TACC3: variants seen among roughly 807,000 people sequenced by gnomAD.
TACC3 encodes the protein transforming acidic coiled-coil-containing protein 3.
Under a neutral mutation model 86.0 loss-of-function variants are expected in TACC3, and 52 were observed. The observed-to-expected ratio is 0.60, with a 90% CI of 0.48 to 0.76. TACC3 has a LOEUF of 0.76. Among genes scored for constraint, TACC3 ranks in the 30% least tolerant of loss-of-function variants. The pLI is 0.00. For missense variants in TACC3, 1,120 were observed against 1,070.4 expected (o/e 1.05, Z -0.65); for synonymous variants, 512 against 430.0 (o/e 1.19, Z -2.36).
At chr4:1,731,669 T>C (rs1309124645) in intron 6 of TACC3, among the ~76,000 whole-genome samples, 1 of 152,000 alleles carries the variant, frequency 6.6e-6, no homozygotes, top group African/African-American at 2.4e-5. Context: ...ATAGTCTCGC[T>C]CTGTCACCCA....
At chr4:1,739,117 G>A (rs1260674604) in intron 10 of TACC3, among the ~76,000 whole-genome samples, 1 of 152,128 alleles carries the variant, frequency 6.6e-6, no homozygotes, top group Non-Finnish European at 1.5e-5. Flanking sequence ...GACCATCCTG[G>A]CTAACACGGT....
In TACC3 at chr4:1,728,753, C is replaced by G; in HGVS notation, c.1351C>G (p.Pro451Ala). The G allele has an allele frequency of 6.2e-7, 1 of 1,610,866 alleles. No individual in the cohort carries two copies. Among genetic ancestry groups the G allele is most frequent in the Non-Finnish European group, 8.5e-7 (1 of 1,179,148 alleles). Residue 451 changes from proline to alanine, a missense_variant, in exon 4 of 16, where the codon CCT (proline) becomes GCT (alanine). Physicochemically the swap from Pro to Ala is conservative, Grantham distance 27 (BLOSUM62 -1). Coordinates refer to ENST00000313288, the MANE Select transcript of TACC3 (RefSeq NM_006342.3). ...QPAAEQLHAG[P>A]ATEEPGPCLS... Reference sequence around the variant, plus strand: ...AGCGGCTGAACAGTTGCATGCTGGGCCTGCCACGGAGGAGCCAGGTCCCTG... The same window carrying G: ...AGCGGCTGAACAGTTGCATGCTGGGGCTGCCACGGAGGAGCCAGGTCCCTG...
chr4:1,735,293 G>A lies in TACC3; in HGVS notation c.1612G>A (p.Val538Met), dbSNP rs1422063693. Residue 538 changes from valine (V) to methionine (M), a missense_variant, in exon 7 of 16, where the codon GTG becomes ATG. By Grantham distance (21) the Val-to-Met change is conservative. Transcript: ENST00000313288. The surrounding 1 kb of genome is among the most constrained non-coding windows in gnomAD (Gnocchi z 4.2). Reference protein sequence around the residue: ...PAEVLGTGAEVDYLEQFGTSS... With the variant: ...PAEVLGTGAEMDYLEQFGTSS... ...CTCAGTTCTAGGCACGGGCGCGGAG[G>A]TGGATTACCTGGAGCAGTTTGGAAC... 2 of 1,614,076 alleles carry A rather than the reference G, an allele frequency of 1.2e-6. No individual in the cohort carries two copies. The highest frequency in any genetic ancestry group is 1.1e-5 in the South Asian group (1 of 91,092).
At position 1,728,538 on chromosome 4, in the gene TACC3, A is replaced by C; in HGVS notation, c.1136A>C (p.Gln379Pro). The C allele has an allele frequency of 6.2e-7, 1 of 1,613,976 alleles. No individual in the cohort carries two copies. Among genetic ancestry groups the C allele is most frequent in the Non-Finnish European group, 8.5e-7 (1 of 1,179,964 alleles). Residue 379 changes from glutamine to proline, a missense_variant, in exon 4 of 16, where the codon CAG becomes CCG. Transcript: ENST00000313288. ...GCAGTGAGGCAGCAAAAGGCCCCGC[A>C]GGAGGTGGAGGAGGACGACGGTAGG... Reference protein sequence around the residue: ...KAAVRQQKAPQEVEEDDGRSG... With the variant: ...KAAVRQQKAPPEVEEDDGRSG...
chr4:1,745,008 A>C lies in TACC3; in HGVS notation c.2512A>C (p.Ile838Leu), dbSNP rs1165525393. Residue 838 changes from isoleucine (I) to leucine (L), a missense_variant, in exon 16 of 16, where the codon ATC (isoleucine) becomes CTC (leucine). Ile to Leu is a conservative substitution (Grantham distance 5). Coordinates refer to ENST00000313288, the MANE Select transcript of TACC3 (RefSeq NM_006342.3). ...CGACCTCATCTCCAAGATGGAGAAG[A>C]TCTGACCTCCACGGAGCCGCTGTCC... ...CDDLISKMEK[I>L] is the part of the protein sequence containing the mutation. The C allele has an allele frequency of 3.1e-6, 5 of 1,607,900 alleles. No homozygotes were observed. Among genetic ancestry groups the C allele is most frequent in the Non-Finnish European group, 4.2e-6 (5 of 1,177,758 alleles).
At position 1,728,477 on chromosome 4, in the gene TACC3, G is replaced by C. The variant is rs759532673; in HGVS notation, c.1075G>C (p.Glu359Gln). The change falls in exon 4 of 16, where the codon GAG becomes CAG. Residue 359 changes from glutamate (E) to glutamine (Q), a missense_variant. Transcript: ENST00000313288. The part of the protein sequence containing the change: ...KRAPPPRRLG[E>Q]RSGLKPPLRK... ...GGCACCCCCACCAAGGAGACTGGGA[G>C]AGAGGTCCGGCCTCAAGCCTCCCTT... The C allele has an allele frequency of 1.3e-5, 21 of 1,613,854 alleles. No individual in the cohort carries two copies. Among genetic ancestry groups the C allele is most frequent in the Non-Finnish European group, 1.6e-5 (19 of 1,180,018 alleles).
chr4:1,735,696 C>T lies in TACC3; in HGVS notation c.1645-35C>T, dbSNP rs1233247711. On this transcript the variant is annotated intron_variant, in intron 7 of 15. Transcript: ENST00000313288. The surrounding 1 kb of genome is among the most constrained non-coding windows in gnomAD (Gnocchi z 4.2). ...AGCCCCCGTGTGTGTTAGGGGATGG[C>T]AGTCAGACCTGATCACTTGCCCTCT... 2.0e-6 allele frequency: 3 copies of T among 1,536,002 alleles called. No homozygotes were observed. The highest frequency in any genetic ancestry group is 2.3e-5 in the East Asian group (1 of 44,306).
intron 8 of TACC3, 46 bp from the exon 9 acceptor site, chr4:1,737,195 A>G (rs1577220077): frequency 4.6e-6 from 7 of 1,512,268 alleles, no homozygotes; most frequent in East Asian, 2.3e-5. Context: ...GTCCTACTCA[A>G]CACTGGGAGG....
intron 3 of TACC3, among the ~76,000 whole-genome samples, chr4:1,724,658 C>T (rs550117388): frequency 3.3e-5 from 5 of 152,208 alleles, no homozygotes; most frequent in East Asian, 1.9e-4. Context: ...CTTTACTCTG[C>T]GGCTGAACTA....
chr4:1,720,863 G>A (rs750776470), upstream of TACC3: 3 of 1,552,618 alleles, frequency 1.9e-6, no homozygotes, highest in South Asian at 1.2e-5. The surrounding 1 kb of genome is among the most constrained non-coding windows in gnomAD (Gnocchi z 4.4). Flanking sequence ...AAGCTGTCGA[G>A]CTAGGCCCCC....
chr4:1,740,623 T>G, intron 12 of TACC3: 8 of 529,750 alleles, frequency 1.5e-5, no homozygotes, highest in East Asian at 3.3e-5. Context: ...GCGGATCTGA[T>G]GTGGAGGAAA....
rs199964472 is a variant in TACC3 at position 1,739,654 on chromosome 4, G to T, written c.1942-48G>T. On this transcript the variant is annotated intron_variant, in intron 10 of 15. Coordinates refer to ENST00000313288, the MANE Select transcript of TACC3 (RefSeq NM_006342.3). ...CCCATCCTGTGGGGAGGTCCTGGGA[G>T]GGTCAGTCTGGCCCGCCTGCCTGCT... is the stretch of plus-strand genomic sequence containing the variant. 5 of 1,534,194 alleles carry T rather than the reference G, an allele frequency of 3.3e-6. No homozygotes were observed. In the African/African-American group the frequency reaches 5.5e-5, roughly 17 times the overall value.
chr4:1,742,388 C>T (rs1718637658), intron 13 of TACC3, among the ~76,000 whole-genome samples: 1 of 152,246 alleles, frequency 6.6e-6, no homozygotes, highest in Non-Finnish European at 1.5e-5. Flanking sequence ...CTCCCCGGGG[C>T]AGGCCTGTGC....
intron 4 of TACC3, among the ~76,000 whole-genome samples, chr4:1,729,461 G>A (rs1403353184): frequency 2.0e-5 from 3 of 152,188 alleles, no homozygotes; most frequent in Non-Finnish European, 4.4e-5. Flanking sequence ...AAGGCAAGGG[G>A]ACAGGTTAAG....
chr4:1,724,784 C>T (rs1184176010), intron 3 of TACC3, among the ~76,000 whole-genome samples: 1 of 151,926 alleles, frequency 6.6e-6, no homozygotes, highest in Admixed American at 6.6e-5. Context: ...TGTTTTGAGA[C>T]AGAGTTTCGC....
At chr4:1,723,659 G>A in intron 2 of TACC3, 69 bp from the exon 3 acceptor site, 1 of 1,611,596 alleles carries the variant, frequency 6.2e-7, no homozygotes. Flanking sequence ...CTGAGCTGCA[G>A]GACACTGCTG....
intron 6 of TACC3, among the ~76,000 whole-genome samples, chr4:1,732,500 A>C (rs1204545690): frequency 6.6e-6 from 1 of 152,272 alleles, no homozygotes; most frequent in African/African-American, 2.4e-5. Context: ...ATTAAAGTGC[A>C]TTTGGTAGGA....
In TACC3 at chr4:1,728,433, A is replaced by T. The variant is rs147728143; in HGVS notation, c.1031A>T (p.Asp344Val). Residue 344 changes from aspartate to valine, a missense_variant, in exon 4 of 16, where the codon GAT (aspartate) becomes GTT (valine). Transcript: ENST00000313288. ...GPVKLEFDVS[D>V]GATSKRAPPP... ...GTAAAACTAGAATTTGATGTATCTG[A>T]TGGCGCCACCAGCAAAAGGGCACCC... The T allele has an allele frequency of 6.2e-7, 1 of 1,613,588 alleles. No homozygotes were observed. Among genetic ancestry groups the T allele is most frequent in the Admixed American group, 1.7e-5 (1 of 60,010 alleles).
intron 12 of TACC3, 86 bp downstream of exon 12, chr4:1,740,088 A>AC: frequency 7.2e-7 from 1 of 1,390,982 alleles, no homozygotes; most frequent in South Asian, 1.2e-5. Flanking sequence ...CCTGCCTAGG[A>AC]CCCCACCCTC....
Sources: allele counts gnomAD v4.1 joint callset (sites outside exome capture counted in the v4.1 genomes callset), GRCh38; gene constraint gnomAD v4.1.1; non-coding constraint Gnocchi (gnomAD v3.1); transcripts MANE v1.5; gene names NCBI Gene and HGNC (gene_info 2026-07-23, HGNC 2026-07-21).